The following PKP4 variants were observed in gnomAD, a reference collection of about 807,000 sequenced individuals.
PKP4 encodes plakophilin 4.
A neutral mutation model predicts 145.1 loss-of-function variants in PKP4; 90 were observed. The observed-to-expected ratio is 0.62, with a 90% CI of 0.52 to 0.74. The LOEUF (loss-of-function observed/expected upper bound fraction) is 0.74, where lower values mean the gene tolerates loss of function less well. Ranked by LOEUF, PKP4 falls within the 30% of genes least tolerant of loss-of-function variation. PKP4 has a pLI of 0.00. For missense variants in PKP4, 1,340 were observed against 1,482.7 expected (o/e 0.90, Z 1.58); for synonymous variants, 563 against 577.2 (o/e 0.98, Z 0.35).
At chr2:158,488,509 A>G (rs1010552319) in intron 1 of PKP4, among the ~76,000 whole-genome samples, 3 of 152,166 alleles carry the variant, frequency 2.0e-5, no homozygotes, top group Non-Finnish European at 4.4e-5. Context: ...AAGCAGTCAC[A>G]GAGAAGAGAG....
intron 19 of PKP4, 71 bp from the exon 20 acceptor site, chr2:158,676,668 A>C: frequency 1.3e-6 from 2 of 1,575,106 alleles, no homozygotes; most frequent in Non-Finnish European, 1.7e-6. Flanking sequence ...TCTGGAGAGG[A>C]TTTTCCACAG....
intron 2 of PKP4, among the ~76,000 whole-genome samples, chr2:158,567,455 TG>T (rs1385936420): frequency 3.9e-5 from 6 of 152,314 alleles, no homozygotes; most frequent in African/African-American, 1.2e-4. Flanking sequence ...AGTAGTTTTA[TG>T]GGTTGGGTTG....
At chr2:158,600,185 G>T (rs182419600) in intron 3 of PKP4, among the ~76,000 whole-genome samples, 2 of 152,306 alleles carry the variant, frequency 1.3e-5, no homozygotes, top group East Asian at 3.9e-4. Flanking sequence ...TGACTGGACA[G>T]CCCCAAGGTT....
intron 1 of PKP4, among the ~76,000 whole-genome samples, chr2:158,477,501 A>T (rs1692666190): frequency 6.6e-6 from 1 of 152,232 alleles, no homozygotes; most frequent in Non-Finnish European, 1.5e-5. Flanking sequence ...CAAAAGTATC[A>T]GCTCCTGTAC....
intron 7 of PKP4, among the ~76,000 whole-genome samples, chr2:158,627,652 T>C (rs2052933738): frequency 6.7e-6 from 1 of 150,030 alleles, no homozygotes. Flanking sequence ...ACTACAGAAA[T>C]ATATATATAT....
At chr2:158,476,305 TGGG>T (rs1408250369) in intron 1 of PKP4, among the ~76,000 whole-genome samples, 1 of 152,144 alleles carries the variant, frequency 6.6e-6, no homozygotes, top group Admixed American at 6.6e-5. Context: ...ACTTTTGAAT[TGGG>T]GGCTCATCCT....
At chr2:158,540,675 A>ATG (rs2044439240) in intron 2 of PKP4, among the ~76,000 whole-genome samples, 3 of 152,184 alleles carry the variant, frequency 2.0e-5, no homozygotes, top group Non-Finnish European at 4.4e-5. Context: ...TAAACAGGCT[A>ATG]TCAGTATGTA....
chr2:158,476,900 C>T (rs1012345901), intron 1 of PKP4, among the ~76,000 whole-genome samples: 1 of 151,998 alleles, frequency 6.6e-6, no homozygotes, highest in African/African-American at 2.4e-5. Flanking sequence ...ATGTACATAT[C>T]TAAAAGAATT....
At chr2:158,533,064 T>G in intron 1 of PKP4, 116 bp from the exon 2 acceptor site, 2 of 1,044,000 alleles carry the variant, frequency 1.9e-6, no homozygotes, top group South Asian at 4.3e-5. Context: ...TCACAAGTTT[T>G]TGATCATGGT....
chr2:158,625,244 C>T lies in PKP4; in HGVS notation c.970C>T (p.Arg324Ter), dbSNP rs889553075. 3.1e-6 allele frequency: 5 copies of T among 1,614,076 alleles called. No individual in the cohort carries two copies. Among genetic ancestry groups the T allele is most frequent in the Admixed American group, 3.3e-5 (2 of 60,012 alleles). The stretch of plus-strand genomic sequence containing the variant: ...ACTGACCCTGACGGATGCACAGACT[C>T]GAGTAGCTTCCCCATCCCAAGGCCA... ...SPLTLTDAQT[R>*]VASPSQGQVG... The change falls in exon 7 of 22, where the codon CGA becomes TGA. Residue 324 changes from arginine (R) to a stop codon, truncating the protein, a stop_gained. Coordinates refer to ENST00000389759, the MANE Select transcript of PKP4 (RefSeq NM_003628.6). LOFTEE classifies it high-confidence loss of function.
intron 10 of PKP4, among the ~76,000 whole-genome samples, chr2:158,641,212 C>T (rs944186819): frequency 1.3e-5 from 2 of 152,036 alleles, no homozygotes; most frequent in African/African-American, 2.4e-5. Context: ...TGGTGCATGG[C>T]CTGTAATCCC....
chr2:158,644,483 A>G (rs568615770), intron 11 of PKP4, among the ~76,000 whole-genome samples: 2 of 152,342 alleles, frequency 1.3e-5, no homozygotes, highest in African/African-American at 4.8e-5. Flanking sequence ...CAGGGAAAAT[A>G]CTAAGAGTTC....
At chr2:158,578,073 G>A (rs532094272) in intron 3 of PKP4, 1 of 167,928 alleles carries the variant, frequency 6.0e-6, no homozygotes, top group South Asian at 2.0e-4. Context: ...TTCATTGCTT[G>A]CAGTTTTAAG....
intron 1 of PKP4, among the ~76,000 whole-genome samples, chr2:158,487,544 A>G (rs1472062667): frequency 6.6e-6 from 1 of 152,212 alleles, no homozygotes; most frequent in African/African-American, 2.4e-5. Flanking sequence ...CATATGCATA[A>G]AGTACCCATG....
At chr2:158,499,737 G>A (rs1007058992) in intron 1 of PKP4, among the ~76,000 whole-genome samples, 5 of 152,040 alleles carry the variant, frequency 3.3e-5, no homozygotes, top group Non-Finnish European at 5.9e-5. Context: ...TTAGAAATGA[G>A]GTCAATTATT....
intron 2 of PKP4, among the ~76,000 whole-genome samples, chr2:158,554,249 C>T (rs2045881129): frequency 6.6e-6 from 1 of 152,084 alleles, no homozygotes; most frequent in Non-Finnish European, 1.5e-5. Flanking sequence ...TCCAGTTCAC[C>T]TCCTGCTGTG....
At chr2:158,523,065 C>G (rs1159860471) in intron 1 of PKP4, among the ~76,000 whole-genome samples, 1 of 152,226 alleles carries the variant, frequency 6.6e-6, no homozygotes. Context: ...GGGGCGCCCG[C>G]CATTGCCCAG....
At chr2:158,536,477 A>T (rs546551823) in intron 2 of PKP4, among the ~76,000 whole-genome samples, 1 of 152,316 alleles carries the variant, frequency 6.6e-6, no homozygotes, top group African/African-American at 2.4e-5. Flanking sequence ...TACCTCACAC[A>T]TACTCCCCTT....
intron 1 of PKP4, among the ~76,000 whole-genome samples, chr2:158,521,852 T>C (rs1463516137): frequency 6.6e-6 from 1 of 152,246 alleles, no homozygotes; most frequent in Non-Finnish European, 1.5e-5. Flanking sequence ...TTCTACTTAT[T>C]ATTGTTAAAA....
Sources: gnomAD v4.1 joint callset for allele counts (sites outside exome capture counted in the v4.1 genomes callset) on GRCh38, gnomAD v4.1.1 for gene constraint, MANE v1.5 for transcripts, NCBI Gene and HGNC (gene_info 2026-07-23, HGNC 2026-07-21) for gene names.